CEP85L: variants seen among roughly 807,000 people sequenced by gnomAD.
The protein encoded by CEP85L is centrosomal protein 85L.
A neutral mutation model predicts 100.3 loss-of-function variants in CEP85L; 60 were observed. The observed-to-expected ratio is 0.60, with a 90% CI of 0.49 to 0.74. The LOEUF (loss-of-function observed/expected upper bound fraction) is 0.74, where lower values mean the gene tolerates loss of function less well. Ranked by LOEUF, CEP85L falls within the 30% of genes least tolerant of loss-of-function variation. CEP85L has a pLI of 0.00. For synonymous variants in CEP85L, 319 were observed against 322.7 expected, an observed-to-expected ratio of 0.99 and a Z score of 0.12; for missense variants, 973 against 936.2, an observed-to-expected ratio of 1.04 and a Z score of -0.51.
intron 8 of CEP85L, among the ~76,000 whole-genome samples, chr6:118,481,468 G>C (rs1355499215): frequency 6.6e-6 from 1 of 152,068 alleles, no homozygotes; most frequent in Admixed American, 6.5e-5. Flanking sequence ...AATCTGAAAT[G>C]TGTCAAAATC....
At position 118,530,267 on chromosome 6, in the gene CEP85L, G is replaced by T. The variant is rs193255880; in HGVS notation, c.1021-6347C>A. On this transcript the variant is annotated intron_variant, in intron 3 of 12. Transcript: ENST00000368491. The stretch of plus-strand genomic sequence containing the variant: ...AGTTCACTCTTTTTTTTCACAGCCT[G>T]CAAACTAAAACCGGAATTAATATTT... Among the ~76,000 whole-genome samples, 668 of 150,570 alleles carry T rather than the reference G, an allele frequency of 4.4e-3. 3 individuals carry two copies. The highest frequency in any genetic ancestry group is 0.016 in the African/African-American group (642 of 40,928).
intron 3 of CEP85L, among the ~76,000 whole-genome samples, chr6:118,558,652 C>CAGAGAGAGAG (rs1482465423): frequency 6.3e-4 from 84 of 132,966 alleles, no homozygotes; most frequent in African/African-American, 2.6e-3. Context: ...CACACACACA[C>CAGAGAGAGAG]ACACACACAG....
intron 1 of CEP85L, among the ~76,000 whole-genome samples, chr6:118,705,969 T>C (rs754865120): frequency 6.6e-6 from 1 of 152,194 alleles, no homozygotes; most frequent in Non-Finnish European, 1.5e-5. Context: ...CGCCCCCACA[T>C]TGTTGCTCTC....
chr6:118,498,009 T>C lies in CEP85L; in HGVS notation c.1258-6144A>G, dbSNP rs548960087. On this transcript the variant is annotated intron_variant, in intron 5 of 12. Coordinates refer to ENST00000368491, the MANE Select transcript of CEP85L (RefSeq NM_001042475.3). The stretch of plus-strand genomic sequence containing the variant: ...AGGATGAGAAGGAAGATGGAGGAAT[T>C]AGAAGTATTTTGCTATTATATGGTA... Among the ~76,000 whole-genome samples, 47 of 152,308 alleles carry C rather than the reference T, an allele frequency of 3.1e-4. 1 individual carries two copies. The South Asian group carries it at 9.7e-3, about 32-fold the overall frequency.
chr6:118,464,232 A>C lies in CEP85L; in HGVS notation c.*1173T>G, dbSNP rs1375040604. The C allele has an allele frequency of 1.3e-5, 2 of 152,206 alleles. No individual in the cohort carries two copies. Among genetic ancestry groups the C allele is most frequent in the African/African-American group, 4.8e-5 (2 of 41,472 alleles). The allele number at this position is 152,206 out of a possible 1,614,324, so 9.4% of individuals were successfully genotyped here. A position where few individuals can be genotyped will look rare whatever the true frequency, so the allele number is the denominator to read the frequency against. On this transcript the variant is annotated 3_prime_UTR_variant, in exon 13 of 13. Transcript: ENST00000368491. The stretch of plus-strand genomic sequence containing the variant: ...ATGGACAACACTCATTTGGAAGTTT[A>C]AATGACTGTACGTCTACTGCAAAAT...
chr6:118,561,241 T>C (rs1279995911), intron 3 of CEP85L, among the ~76,000 whole-genome samples: 1 of 152,190 alleles, frequency 6.6e-6, no homozygotes, highest in South Asian at 2.1e-4. Context: ...CTCACCTCAC[T>C]GGTTTTAGTA....
intron 1 of CEP85L, among the ~76,000 whole-genome samples, chr6:118,637,539 G>GA (rs72324250): frequency 6.3e-4 from 86 of 137,294 alleles, no homozygotes; most frequent in Admixed American, 1.2e-3. Flanking sequence ...CTCTACAAAA[G>GA]AAAAAAAAAA....
intron 7 of CEP85L, 70 bp from the exon 8 acceptor site, chr6:118,482,003 G>GTGT: frequency 1.2e-6 from 1 of 839,208 alleles, no homozygotes; most frequent in Non-Finnish European, 1.6e-6. Context: ...AACTGTTACT[G>GTGT]TGTTGGCAAG....
At chr6:118,699,022 G>A (rs536126161) in intron 1 of CEP85L, among the ~76,000 whole-genome samples, 46 of 152,038 alleles carry the variant, frequency 3.0e-4, no homozygotes, top group Non-Finnish European at 5.3e-4. Flanking sequence ...TAATCCTAGC[G>A]AGGGTTCAGG....
chr6:118,562,045 G>GA (rs1445808579), intron 3 of CEP85L, among the ~76,000 whole-genome samples: 3 of 152,142 alleles, frequency 2.0e-5, no homozygotes, highest in Admixed American at 6.5e-5. Flanking sequence ...CTTGACAGAT[G>GA]AAAAAAGTGA....
In CEP85L at chr6:118,465,407, A is replaced by G; in HGVS notation, c.2416T>C (p.Ter806ArgextTer29). The change falls in exon 13 of 13, where the codon TGA becomes CGA. Residue 806 changes from the stop codon to arginine, a stop_lost. Transcript: ENST00000368491. ...QDMGDNCITQ[*>R] ...ATTGCTGTGGGACTAACACTTGATC[A>G]CTGAGTAATGCAGTTGTCTCCCATG... is the stretch of plus-strand genomic sequence containing the variant. 6.2e-7 allele frequency: 1 copy of G among 1,612,400 alleles called. No individual in the cohort carries two copies. The highest frequency in any genetic ancestry group is 8.5e-7 in the Non-Finnish European group (1 of 1,179,016).
At chr6:118,487,464 C>T (rs1774265848) in intron 6 of CEP85L, among the ~76,000 whole-genome samples, 1 of 152,106 alleles carries the variant, frequency 6.6e-6, no homozygotes, top group Non-Finnish European at 1.5e-5. Context: ...TAGTAAAACC[C>T]CCAACATGGA....
chr6:118,610,982 G>A (rs2115226073), intron 2 of CEP85L, among the ~76,000 whole-genome samples: 1 of 152,206 alleles, frequency 6.6e-6, no homozygotes, highest in Middle Eastern at 3.4e-3. Context: ...AGAAAACTAA[G>A]ATAATTTGTC....
At chr6:118,680,643 G>A (rs1309774121) in intron 1 of CEP85L, among the ~76,000 whole-genome samples, 4 of 152,108 alleles carry the variant, frequency 2.6e-5, no homozygotes, top group Non-Finnish European at 5.9e-5. Context: ...TTGGAAGGCT[G>A]AGGCAGGCTG....
intron 2 of CEP85L, 143 bp from the exon 3 acceptor site, chr6:118,566,459 C>G: frequency 2.7e-6 from 2 of 748,846 alleles, no homozygotes; most frequent in South Asian, 1.9e-5. Context: ...AGCTTGTTGC[C>G]TAGGCTGGAG....
intron 3 of CEP85L, among the ~76,000 whole-genome samples, chr6:118,540,591 T>C (rs546200415): frequency 6.6e-6 from 1 of 151,694 alleles, no homozygotes; most frequent in Non-Finnish European, 1.5e-5. Context: ...TCCGTCTCTA[T>C]ACTAAAAATA....
rs1244037261 is a variant in CEP85L at position 118,511,418 on chromosome 6, G to A, written c.1140-3C>T. ...GGTGGGTAATTTGTTGCTTCTGCCT[G>A]CAAAACATAAATTAAGGTCACATTA... is the stretch of plus-strand genomic sequence containing the variant. On this transcript the variant is annotated splice_polypyrimidine_tract_variant and splice_region_variant and intron_variant, in intron 4 of 12. Coordinates refer to ENST00000368491, the MANE Select transcript of CEP85L (RefSeq NM_001042475.3). 10 of 1,578,310 alleles carry A rather than the reference G, an allele frequency of 6.3e-6. No individual in the cohort carries two copies. The highest frequency in any genetic ancestry group is 8.7e-6 in the Non-Finnish European group (10 of 1,148,788).
intron 1 of CEP85L, among the ~76,000 whole-genome samples, chr6:118,694,185 C>T (rs1366435257): frequency 6.6e-6 from 1 of 152,198 alleles, no homozygotes; most frequent in Non-Finnish European, 1.5e-5. Context: ...CATTCAACTC[C>T]TCTCCCAAGA....
In CEP85L at chr6:118,497,824, G is replaced by A. The variant is rs139280231; in HGVS notation, c.1258-5959C>T. Among the ~76,000 whole-genome samples, 394 of 152,292 alleles carry A rather than the reference G, an allele frequency of 2.6e-3. 1 individual carries two copies. Among genetic ancestry groups the A allele is most frequent in the African/African-American group, 9.1e-3 (377 of 41,556 alleles). ...CAAGAGCATCGGAAAAGGAATAAGT[G>A]AAGGTAAAAATTTTTAAAGCTTTAT... On this transcript the variant is annotated intron_variant, in intron 5 of 12. Coordinates refer to ENST00000368491, the MANE Select transcript of CEP85L (RefSeq NM_001042475.3).
Sources: gnomAD v4.1 joint callset for allele counts (sites outside exome capture counted in the v4.1 genomes callset) on GRCh38, gnomAD v4.1.1 for gene constraint, MANE v1.5 for transcripts, NCBI Gene and HGNC (gene_info 2026-07-23, HGNC 2026-07-21) for gene names.